The following TCFL5 variants were observed in gnomAD, a reference collection of about 807,000 sequenced individuals.
TCFL5 encodes transcription factor-like 5 protein.
Under a neutral mutation model 44.3 loss-of-function variants are expected in TCFL5, and 9 were observed. The observed-to-expected ratio is 0.20, with a 90% CI of 0.12 to 0.35. The LOEUF (loss-of-function observed/expected upper bound fraction) is 0.35, where lower values mean the gene tolerates loss of function less well. TCFL5 is among the 10% of genes least tolerant of loss of function. The pLI is 1.00. For synonymous variants in TCFL5, 319 were observed against 271.6 expected (o/e 1.17, Z -1.72); for missense variants, 603 against 613.4 (o/e 0.98, Z 0.18).
At chr20:62,852,403 TC>T (rs1323299404) in intron 5 of TCFL5, 1 of 984,182 alleles carries the variant, frequency 1.0e-6, no homozygotes, top group South Asian at 4.7e-5. Context: ...GGAACTGGGG[TC>T]CCCCCAAGGC....
chr20:62,843,352 G>A (rs976602834), intron 5 of TCFL5, among the ~76,000 whole-genome samples: 6 of 151,302 alleles, frequency 4.0e-5, no homozygotes, highest in Non-Finnish European at 7.4e-5. Flanking sequence ...ATGCGGTTGT[G>A]TTTTTAAACA....
chr20:62,852,512 C>G (rs182025274), intron 5 of TCFL5: 7 of 985,496 alleles, frequency 7.1e-6, no homozygotes, highest in Non-Finnish European at 7.2e-6. Flanking sequence ...CTAGTTCCAG[C>G]CAACCACGAT....
chr20:62,851,709 G>T (rs1184207949), intron 5 of TCFL5: 1 of 985,268 alleles, frequency 1.0e-6, no homozygotes, highest in Non-Finnish European at 1.2e-6. Context: ...ACAGAAAAGG[G>T]ACAGAGACAA....
intron 5 of TCFL5, among the ~76,000 whole-genome samples, chr20:62,849,261 C>T (rs1038990303): frequency 2.0e-5 from 3 of 152,100 alleles, no homozygotes; most frequent in Non-Finnish European, 4.4e-5. Context: ...AAACTGGGAC[C>T]GGCAGGGAGA....
chr20:62,860,392 G>A, intron 1 of TCFL5, 84 bp from the exon 2 acceptor site: 1 of 1,315,026 alleles, frequency 7.6e-7, no homozygotes, highest in Non-Finnish European at 1.1e-6. Context: ...GCTCTGGCTA[G>A]TTTTTCCAGA....
At chr20:62,850,193 G>A (rs1345059940) in intron 5 of TCFL5, among the ~76,000 whole-genome samples, 5 of 152,138 alleles carry the variant, frequency 3.3e-5, no homozygotes, top group East Asian at 3.8e-4. Flanking sequence ...GAAATTGTGC[G>A]TGTGTACAAA....
chr20:62,842,622 C>T lies in TCFL5; in HGVS notation c.1381-525G>A, dbSNP rs1019232072. Among the ~76,000 whole-genome samples the T allele has an allele frequency of 3.3e-5, 5 of 152,072 alleles. No homozygotes were observed. The highest frequency in any genetic ancestry group is 4.1e-4 in the South Asian group (2 of 4,830). ...ACTAAAAATACAAAAATTAGCTGGG[C>T]GTGGTGGCAAGCATCTTGTGACCCC... is the stretch of plus-strand genomic sequence containing the variant. On this transcript the variant is annotated intron_variant, in intron 5 of 5. Transcript: ENST00000335351. This position sits in a 1 kb window ranked among gnomAD's most constrained non-coding sequence, Gnocchi z 4.3.
chr20:62,858,082 AAAAC>A (rs2063922967), intron 3 of TCFL5, among the ~76,000 whole-genome samples: 1 of 152,248 alleles, frequency 6.6e-6, no homozygotes, highest in Non-Finnish European at 1.5e-5. Flanking sequence ...ACAAGAAAAA[AAAAC>A]AATTATTCTA....
intron 3 of TCFL5, among the ~76,000 whole-genome samples, chr20:62,858,961 A>G (rs1049752653): frequency 1.2e-4 from 10 of 83,006 alleles, no homozygotes; most frequent in Non-Finnish European, 2.8e-4. Context: ...CAGCCCTAAT[A>G]GGGTCCTCCT....
chr20:62,856,915 C>T (rs2063901496), intron 4 of TCFL5, among the ~76,000 whole-genome samples: 1 of 152,182 alleles, frequency 6.6e-6, no homozygotes, highest in South Asian at 2.1e-4. Flanking sequence ...CACTGAACAA[C>T]TGCTTTCCTT....
intron 5 of TCFL5, chr20:62,844,735 A>T: frequency 3.5e-6 from 1 of 282,780 alleles, no homozygotes; most frequent in Non-Finnish European, 5.3e-6. Flanking sequence ...AGCTGGGATT[A>T]CAGGCACCTG....
At chr20:62,860,622 C>T (rs1430936890) in intron 1 of TCFL5, among the ~76,000 whole-genome samples, 2 of 152,264 alleles carry the variant, frequency 1.3e-5, no homozygotes, top group African/African-American at 4.8e-5. Flanking sequence ...GCCCCTTCCA[C>T]AGCCATCCCT....
intron 5 of TCFL5, among the ~76,000 whole-genome samples, chr20:62,843,994 GAGCACACT>G (rs2063708150): frequency 6.6e-6 from 1 of 152,186 alleles, no homozygotes; most frequent in Non-Finnish European, 1.5e-5. Context: ...TCCTCTGCTG[GAGCACACT>G]TGAGTCATTT....
Position 62,842,918 on chromosome 20 carries a change from G to C in TCFL5, c.1381-821C>G, listed in dbSNP as rs1236347663. ...TGCTCGCTGAGATGGCTCTGTCCTT[G>C]GGGAGACCCTGCCAGCAGGGTGGGG... is the stretch of plus-strand genomic sequence containing the variant. On this transcript the variant is annotated intron_variant, in intron 5 of 5. Transcript: ENST00000335351. The surrounding 1 kb of genome is among the most constrained non-coding windows in gnomAD (Gnocchi z 4.3). Among the ~76,000 whole-genome samples the C allele has an allele frequency of 2.0e-5, 3 of 152,180 alleles. No individual in the cohort carries two copies. The highest frequency in any genetic ancestry group is 7.2e-5 in the African/African-American group (3 of 41,436).
chr20:62,858,546 T>G (rs2063931711), intron 3 of TCFL5, among the ~76,000 whole-genome samples: 1 of 152,258 alleles, frequency 6.6e-6, no homozygotes, highest in Non-Finnish European at 1.5e-5. Flanking sequence ...CCCCATCTTG[T>G]CTTCACCAAC....
intron 5 of TCFL5, chr20:62,845,312 G>A: frequency 1.1e-6 from 1 of 873,952 alleles, no homozygotes; most frequent in Non-Finnish European, 1.4e-6. Context: ...AGTAGAGACG[G>A]GGGTCACACC....
chr20:62,847,011 C>T (rs1335560625), intron 5 of TCFL5, among the ~76,000 whole-genome samples: 4 of 151,392 alleles, frequency 2.6e-5, no homozygotes, highest in Admixed American at 1.3e-4. Context: ...ATGGAGAAAC[C>T]CCATCTCTAA....
In TCFL5 at chr20:62,841,639, T is replaced by G. The variant is rs2063681518; in HGVS notation, c.*336A>C. 1 of 174,952 alleles carries G rather than the reference T, an allele frequency of 5.7e-6. No individual in the cohort carries two copies. The highest frequency in any genetic ancestry group is 2.4e-5 in the African/African-American group (1 of 42,140). The allele number at this position is 174,952 out of a possible 1,614,324, so 10.8% of individuals were successfully genotyped here. ...GTGTACTTTTTAAGATTAAAGAAAG[T>G]ACAAAGGATGTCAATTTTTTAAGTT... On this transcript the variant is annotated 3_prime_UTR_variant, in exon 6 of 6. Transcript: ENST00000335351.
intron 1 of TCFL5, among the ~76,000 whole-genome samples, chr20:62,860,760 G>A (rs541081683): frequency 3.3e-5 from 5 of 152,344 alleles, no homozygotes; most frequent in East Asian, 1.9e-4. Context: ...TGGTTCCCAG[G>A]AATTCTGCGC....
Sources: gnomAD v4.1 joint callset for allele counts (sites outside exome capture counted in the v4.1 genomes callset) on GRCh38, gnomAD v4.1.1 for gene constraint, Gnocchi (gnomAD v3.1) non-coding constraint, MANE v1.5 for transcripts, NCBI Gene and HGNC (gene_info 2026-07-23, HGNC 2026-07-21) for gene names.